TMEM87B: variants seen among roughly 807,000 people sequenced by gnomAD.
TMEM87B encodes the protein transmembrane protein 87B.
A neutral mutation model predicts 80.3 loss-of-function variants in TMEM87B; 83 were observed. The observed-to-expected ratio is 1.03, with a 90% CI of 0.87 to 1.24. TMEM87B has a LOEUF of 1.24. Ranked by LOEUF, TMEM87B falls within the 50% of genes most tolerant of loss-of-function variation. TMEM87B has a pLI of 0.00. For missense variants in TMEM87B, 625 were observed against 674.4 expected (o/e 0.93, Z 0.81); for synonymous variants, 219 against 230.5 (o/e 0.95, Z 0.45).
At position 112,117,880 on chromosome 2, in the gene TMEM87B, A is replaced by C. The variant is rs758797843; in HGVS notation, c.*1737A>C. 7.2e-5 allele frequency: 11 copies of C among 152,156 alleles called. No individual in the cohort carries two copies. The highest frequency in any genetic ancestry group is 1.2e-4 in the Non-Finnish European group (8 of 68,044). 9.4% of individuals were successfully genotyped at this position (152,156 alleles called of 1,614,324 possible). ...CTCTAGTTGAATTTTAAAATGTGGA[A>C]TATTGGGCTTGCAGGCAGTAGGAGC... On this transcript the variant is annotated 3_prime_UTR_variant, in exon 19 of 19. Transcript: ENST00000283206.
intron 2 of TMEM87B, among the ~76,000 whole-genome samples, chr2:112,060,844 A>G (rs1678237405): frequency 6.6e-6 from 1 of 152,198 alleles, no homozygotes; most frequent in Non-Finnish European, 1.5e-5. Context: ...GCCCACAAGA[A>G]TGGATTTTTC....
intron 8 of TMEM87B, among the ~76,000 whole-genome samples, chr2:112,085,651 G>A (rs544778585): frequency 1.3e-5 from 2 of 152,342 alleles, no homozygotes; most frequent in East Asian, 3.9e-4. Context: ...GGAGATCCTG[G>A]AGAAAAGAGA....
intron 10 of TMEM87B, among the ~76,000 whole-genome samples, chr2:112,090,998 TATA>T (rs898298382): frequency 6.6e-6 from 1 of 152,020 alleles, no homozygotes. Context: ...TCTGCATTCA[TATA>T]ATAATAATAA....
At chr2:112,058,649 GC>G (rs1340028427) in intron 1 of TMEM87B, among the ~76,000 whole-genome samples, 1 of 152,172 alleles carries the variant, frequency 6.6e-6, no homozygotes. Context: ...GAATGAGGGA[GC>G]CATTGAAAGA....
rs1313256883 is a variant in TMEM87B at position 112,098,657 on chromosome 2, T to C, written c.1335T>C (p.Ile445=). ...GCTTCCTTTTTTCGCTTATCCTTAT[T>C]GTAATCATGTTTTTGTGGAGACCAT... ...FWSFLFSLIL[I]VIMFLWRPSA... is the part of the protein sequence containing the mutation. Residue 445 remains isoleucine, a synonymous_variant, in exon 14 of 19, where the codon ATT becomes ATC. Transcript: ENST00000283206. 3 of 1,614,170 alleles carry C rather than the reference T, an allele frequency of 1.9e-6. No homozygotes were observed. The Middle Eastern group carries it at 4.9e-4, about 266-fold the overall frequency.
chr2:112,055,586 G>T lies in TMEM87B; in HGVS notation c.-6G>T. 6.6e-7 allele frequency: 1 copy of T among 1,512,770 alleles called. No individual in the cohort carries two copies. Among genetic ancestry groups the T allele is most frequent in the Non-Finnish European group, 8.8e-7 (1 of 1,133,528 alleles). The allele number at this position is 1,512,770 out of a possible 1,614,324, so 93.7% of individuals were successfully genotyped here. ...TCGGAGCGCCAGGTGCAGCTTCCTG[G>T]TCAAGATGGTCGCCGCCTGCCGCTC... On this transcript the variant is annotated 5_prime_UTR_variant, in exon 1 of 19. Transcript: ENST00000283206.
At chr2:112,066,628 A>T (rs1057500122) in intron 3 of TMEM87B, among the ~76,000 whole-genome samples, 1 of 152,256 alleles carries the variant, frequency 6.6e-6, no homozygotes, top group African/African-American at 2.4e-5. Context: ...TAGCCCCAGA[A>T]CAAAGTATGT....
At chr2:112,063,569 C>T (rs1678322414) in intron 2 of TMEM87B, among the ~76,000 whole-genome samples, 1 of 152,180 alleles carries the variant, frequency 6.6e-6, no homozygotes, top group African/African-American at 2.4e-5. Flanking sequence ...ATGTTTGGTC[C>T]ACCCTTCTCT....
At chr2:112,086,743 G>A (rs1384171603) in intron 9 of TMEM87B, among the ~76,000 whole-genome samples, 1 of 152,102 alleles carries the variant, frequency 6.6e-6, no homozygotes, top group Non-Finnish European at 1.5e-5. Context: ...CCTCAGCTCT[G>A]TGGGCACTGG....
At chr2:112,107,950 G>C (rs945922590) in intron 17 of TMEM87B, 110 bp downstream of exon 17, 1 of 591,298 alleles carries the variant, frequency 1.7e-6, no homozygotes, top group Non-Finnish European at 2.9e-6. Context: ...GCATGTACTT[G>C]GGTAAGCCCC....
In TMEM87B at chr2:112,059,649, C is replaced by T. The variant is rs58251465; in HGVS notation, c.166-328C>T. On this transcript the variant is annotated intron_variant, in intron 1 of 18. Transcript: ENST00000283206. Reference sequence around the variant, plus strand: ...CTTATCAAAAGTACATTCAAATTGACGCCAGGAGAGCAACATGCAAATGCA... The same window carrying T: ...CTTATCAAAAGTACATTCAAATTGATGCCAGGAGAGCAACATGCAAATGCA... Among the ~76,000 whole-genome samples, 592 of 152,260 alleles carry T rather than the reference C, an allele frequency of 3.9e-3. 11 individuals are homozygous for T. Among genetic ancestry groups the T allele is most frequent in the Admixed American group, 0.029 (449 of 15,294 alleles).
At chr2:112,076,841 TTTGTGTGTG>T (rs1258912321) in intron 5 of TMEM87B, among the ~76,000 whole-genome samples, 9 of 112,308 alleles carry the variant, frequency 8.0e-5, no homozygotes, top group Non-Finnish European at 1.6e-4. Context: ...CCTTTTCTGT[TTTGTGTGTG>T]TGTGTGTGTG....
chr2:112,060,923 CAAA>C (rs1002441269), intron 2 of TMEM87B, among the ~76,000 whole-genome samples: 1 of 151,842 alleles, frequency 6.6e-6, no homozygotes, highest in African/African-American at 2.4e-5. Context: ...AATAGACGAA[CAAA>C]AAAAATTTGT....
At chr2:112,080,601 G>A (rs1678965860) in intron 6 of TMEM87B, among the ~76,000 whole-genome samples, 1 of 152,154 alleles carries the variant, frequency 6.6e-6, no homozygotes, top group African/African-American at 2.4e-5. Flanking sequence ...TTGCTATTGA[G>A]TTGTTTGAGC....
At chr2:112,112,818 C>A in intron 17 of TMEM87B, 81 bp from the exon 18 acceptor site, 1 of 1,307,014 alleles carries the variant, frequency 7.7e-7, no homozygotes. Context: ...TGGGCCATGG[C>A]ATGTGCCTGT....
intron 1 of TMEM87B, among the ~76,000 whole-genome samples, chr2:112,057,611 T>C (rs1208541746): frequency 1.3e-5 from 2 of 152,036 alleles, no homozygotes; most frequent in African/African-American, 4.8e-5. Context: ...AGGGAGCAAA[T>C]GGTTGAAGCA....
At position 112,098,306 on chromosome 2, in the gene TMEM87B, C is replaced by A. The variant is rs554292156; in HGVS notation, c.1273-289C>A. Among the ~76,000 whole-genome samples, 3 of 152,288 alleles carry A rather than the reference C, an allele frequency of 2.0e-5. 1 individual carries two copies. The highest frequency in any genetic ancestry group is 7.2e-5 in the African/African-American group (3 of 41,572). The stretch of plus-strand genomic sequence containing the variant: ...TAAAAGAAGAGGCTGGGCCTTCTGA[C>A]CTTAGTATTTGCCATTTGAAATCCT... On this transcript the variant is annotated intron_variant, in intron 13 of 18. Transcript: ENST00000283206.
intron 5 of TMEM87B, among the ~76,000 whole-genome samples, chr2:112,075,334 A>T: frequency 6.6e-6 from 1 of 152,154 alleles, no homozygotes; most frequent in Non-Finnish European, 1.5e-5. Flanking sequence ...TGGGAGGTGG[A>T]GGTTGCAGTG....
At chr2:112,085,611 T>G (rs961926174) in intron 8 of TMEM87B, among the ~76,000 whole-genome samples, 9 of 152,172 alleles carry the variant, frequency 5.9e-5, no homozygotes, top group African/African-American at 2.2e-4. Context: ...TAGGAGCATA[T>G]CAGATACATT....
Sources: allele counts gnomAD v4.1 joint callset (sites outside exome capture counted in the v4.1 genomes callset), GRCh38; gene constraint gnomAD v4.1.1; transcripts MANE v1.5; gene names NCBI Gene and HGNC (gene_info 2026-07-23, HGNC 2026-07-21).